Variants in EVC2 observed in about 807,000 individuals in gnomAD.
EVC2 encodes the protein EvC ciliary complex subunit 2, also known as limbin.
EVC2 carries 148 observed loss-of-function variants against 149.3 expected under a neutral mutation model. The ratio of observed to expected loss-of-function variants is 0.99; its 90% CI spans 0.87 to 1.14. The LOEUF (loss-of-function observed/expected upper bound fraction) is 1.14, where lower values mean the gene tolerates loss of function less well. Ranked by LOEUF, EVC2 falls within the 50% of genes most tolerant of loss-of-function variation. The pLI is 0.00. For missense variants in EVC2, 1,854 were observed against 1,627.3 expected (o/e 1.14, Z -2.40); for synonymous variants, 776 against 649.9 (o/e 1.19, Z -2.95).
At chr4:5,548,061 C>T (rs1044159480) in intron 21 of EVC2, among the ~76,000 whole-genome samples, 24 of 152,146 alleles carry the variant, frequency 1.6e-4, no homozygotes, top group African/African-American at 5.5e-4. Context: ...CCCATTGCAG[C>T]AGCTGGTGTG....
chr4:5,617,935 G>GCAAAAAAACCCTAAACT (rs1715379529), intron 15 of EVC2, among the ~76,000 whole-genome samples: 1 of 152,124 alleles, frequency 6.6e-6, no homozygotes, highest in Non-Finnish European at 1.5e-5. Flanking sequence ...TGGTCCCTGG[G>GCAAAAAAACCCTAAACT]GGCTTTGGAG....
At chr4:5,579,486 G>A (rs1711562198) in intron 17 of EVC2, among the ~76,000 whole-genome samples, 1 of 152,194 alleles carries the variant, frequency 6.6e-6, no homozygotes, top group South Asian at 2.1e-4. Context: ...AAAGCAGAAA[G>A]CTCAGGTAGA....
intron 9 of EVC2, among the ~76,000 whole-genome samples, chr4:5,644,712 A>G (rs1717586066): frequency 6.6e-6 from 1 of 152,054 alleles, no homozygotes; most frequent in Non-Finnish European, 1.5e-5. Context: ...TCCAGTAACC[A>G]CTATTCTATT....
chr4:5,658,356 T>A (rs1718663166), intron 9 of EVC2, among the ~76,000 whole-genome samples: 1 of 152,190 alleles, frequency 6.6e-6, no homozygotes, highest in Non-Finnish European at 1.5e-5. Flanking sequence ...TTTTTAGAGA[T>A]GAGGAACAAA....
In EVC2 at chr4:5,622,545, C is replaced by A. The variant is rs369796222; in HGVS notation, c.2493G>T (p.Leu831=). Residue 831 remains leucine (L), a synonymous_variant, in exon 14 of 22, where the codon CTG becomes CTT. Coordinates refer to ENST00000344408, the MANE Select transcript of EVC2 (RefSeq NM_147127.5). The surrounding 1 kb of genome is among the most constrained non-coding windows in gnomAD (Gnocchi z 5.8). ...CCCGCAAAGGCACTCACATGAAGATCAGGTGCTCCCAGCGTCGCAGCTCTG... is the reference window on the plus strand; with the variant it reads ...CCCGCAAAGGCACTCACATGAAGATAAGGTGCTCCCAGCGTCGCAGCTCTG... ...EQAELRRWEH[L]IFMKLCSSVF... The A allele has an allele frequency of 4.3e-6, 7 of 1,613,650 alleles. No homozygotes were observed. Among genetic ancestry groups the A allele is most frequent in the African/African-American group, 4.0e-5 (3 of 74,890 alleles).
intron 16 of EVC2, among the ~76,000 whole-genome samples, chr4:5,604,497 G>T (rs1425209396): frequency 1.3e-5 from 2 of 152,104 alleles, no homozygotes; most frequent in Admixed American, 6.5e-5. Flanking sequence ...TGAGCAAAAA[G>T]AACGGATCTC....
intron 16 of EVC2, among the ~76,000 whole-genome samples, chr4:5,594,546 G>C (rs1713191356): frequency 1.3e-5 from 2 of 152,072 alleles, no homozygotes; most frequent in African/African-American, 4.8e-5. Context: ...CAAACAGAAA[G>C]GACACCCACA....
intron 16 of EVC2, among the ~76,000 whole-genome samples, chr4:5,604,208 G>A (rs924802054): frequency 4.6e-5 from 7 of 152,216 alleles, no homozygotes; most frequent in African/African-American, 1.7e-4. Flanking sequence ...GTTGAGGGCG[G>A]ATGAAATCAC....
At chr4:5,654,290 C>T (rs1201534620) in intron 9 of EVC2, among the ~76,000 whole-genome samples, 1 of 151,792 alleles carries the variant, frequency 6.6e-6, no homozygotes, top group East Asian at 1.9e-4. Flanking sequence ...CTGGAGTCAG[C>T]CCTGGAGTCC....
chr4:5,619,765 A>G (rs1287683795), intron 14 of EVC2, among the ~76,000 whole-genome samples: 3 of 152,160 alleles, frequency 2.0e-5, no homozygotes, highest in African/African-American at 7.2e-5. Context: ...TGGCCATACA[A>G]TTGCTTTCTC....
At position 5,584,536 on chromosome 4, in the gene EVC2, G is replaced by A. The variant is rs545683425; in HGVS notation, c.3057+87C>T. On this transcript the variant is annotated intron_variant, in intron 17 of 21. Coordinates refer to ENST00000344408, the MANE Select transcript of EVC2 (RefSeq NM_147127.5). ...CCACAGCACAGACAGGACGGGGGTT[G>A]CAGCCTGTTTCATAGAGGAAGATGC... 2.2e-5 allele frequency: 29 copies of A among 1,345,620 alleles called. No individual in the cohort carries two copies. In the African/African-American group the frequency reaches 3.8e-4, roughly 18 times the overall value. The allele number at this position is 1,345,620 out of a possible 1,614,324, so 83.4% of individuals were successfully genotyped here. A position where few individuals can be genotyped will look rare whatever the true frequency, so the allele number is the denominator to read the frequency against.
At chr4:5,563,979 A>T (rs1285275573) in intron 21 of EVC2, among the ~76,000 whole-genome samples, 1 of 147,866 alleles carries the variant, frequency 6.8e-6, no homozygotes. Context: ...TGCTCTTGAT[A>T]ATGATCGTGA....
At chr4:5,691,202 A>C in intron 4 of EVC2, 63 bp downstream of exon 4, 1 of 1,455,792 alleles carries the variant, frequency 6.9e-7, no homozygotes, top group Non-Finnish European at 9.7e-7. Context: ...TGACTCTAAT[A>C]AAATGATCTG....
At chr4:5,606,849 G>A (rs921701870) in intron 16 of EVC2, among the ~76,000 whole-genome samples, 5 of 152,090 alleles carry the variant, frequency 3.3e-5, no homozygotes, top group African/African-American at 9.7e-5. Context: ...GGAGGTAGGC[G>A]CTTCTATTAT....
At chr4:5,669,136 G>A (rs1719468980) in intron 7 of EVC2, among the ~76,000 whole-genome samples, 1 of 152,180 alleles carries the variant, frequency 6.6e-6, no homozygotes, top group African/African-American at 2.4e-5. Context: ...TGCTTCTCCA[G>A]GGTCTTTATA....
At chr4:5,589,451 G>A (rs925385005) in intron 16 of EVC2, among the ~76,000 whole-genome samples, 2 of 152,192 alleles carry the variant, frequency 1.3e-5, no homozygotes, top group Non-Finnish European at 2.9e-5. Flanking sequence ...AGAGGACCCA[G>A]TAGACACCTC....
At chr4:5,565,474 C>T (rs1722220132) in intron 20 of EVC2, 115 bp from the exon 21 acceptor site, 1 of 876,522 alleles carries the variant, frequency 1.1e-6, no homozygotes, top group Non-Finnish European at 1.8e-6. Context: ...AGTTCAAGAC[C>T]AGCCTGGCCA....
intron 21 of EVC2, among the ~76,000 whole-genome samples, chr4:5,545,967 T>C (rs1721608643): frequency 6.6e-6 from 1 of 152,242 alleles, no homozygotes; most frequent in South Asian, 2.1e-4. Flanking sequence ...GAAAAAATGC[T>C]CACCATCACT....
At chr4:5,529,815 G>GTTT in the EVC2 span, among the ~76,000 whole-genome samples, 33 of 132,076 alleles carry the variant, frequency 2.5e-4, no homozygotes, top group African/African-American at 7.1e-4. The surrounding 1 kb of genome is among the most constrained non-coding windows in gnomAD (Gnocchi z 4.5). Context: ...AGTTATTTAG[G>GTTT]TTTTTTTTTT....
Sources: gnomAD v4.1 joint callset for allele counts (sites outside exome capture counted in the v4.1 genomes callset) on GRCh38, gnomAD v4.1.1 for gene constraint, Gnocchi (gnomAD v3.1) non-coding constraint, MANE v1.5 for transcripts, NCBI Gene and HGNC (gene_info 2026-07-23, HGNC 2026-07-21) for gene names.